The following PDHA1 variants were observed in gnomAD, a reference collection of about 807,000 sequenced individuals.
The protein encoded by PDHA1 is pyruvate dehydrogenase E1 component subunit alpha, somatic form, mitochondrial.
Under a neutral mutation model 33.0 loss-of-function variants are expected in PDHA1, and 1 was observed. That is an observed-to-expected ratio of 0.03 (90% confidence interval 0.01 to 0.14). The LOEUF is 0.14. PDHA1 is among the 10% of genes least tolerant of loss of function. The probability of loss-of-function intolerance (pLI) is 1.00; values close to 1 mark genes in which losing one functional copy is unlikely to be tolerated. For missense variants in PDHA1, 168 were observed against 325.1 expected (o/e 0.52, Z 3.72); for synonymous variants, 123 against 119.2 (o/e 1.03, Z -0.21).
intron 1 of PDHA1, among the ~76,000 whole-genome samples, chrX:19,345,572 T>TTAAAAAAAA (rs2063125797): frequency 1.7e-4 from 5 of 30,263 alleles, no homozygotes; most frequent in African/African-American, 4.7e-4. Flanking sequence ...CTCCGTATTT[T>TTAAAAAAAA]AAAAAAAAAA....
rs779722514 is a variant in PDHA1 at position 19,360,064 on chromosome X, G to GAT, written c.*413_*414dup. On this transcript the variant is annotated 3_prime_UTR_variant, in exon 11 of 11. Transcript: ENST00000422285. ...GTTCGCGCTGACCATTTCTCTACAA[G>GAT]ATACAATATTTATTATCAGGCAAGA... 5 of 189,347 alleles carry GAT rather than the reference G, an allele frequency of 2.6e-5. No homozygotes were observed. The highest frequency in any genetic ancestry group is 6.1e-5 in the African/African-American group (2 of 32,632). The allele number at this position is 189,347 out of a possible 1,213,427, so 15.6% of individuals were successfully genotyped here. A position where few individuals can be genotyped will look rare whatever the true frequency, so the allele number is the denominator to read the frequency against.
rs774543652 is a variant in PDHA1 at position 19,344,023 on chromosome X, C to T, written c.-15C>T. The T allele has an allele frequency of 1.7e-6, 2 of 1,207,268 alleles. No individual in the cohort carries two copies. Among genetic ancestry groups the T allele is most frequent in the South Asian group, 3.5e-5 (2 of 56,733 alleles). ...GGTTGTGAGGAGTCGCCGCTGCCGCCACTGCCTGTGCTTCATGAGGAAGAT... is the reference window on the plus strand; with the variant it reads ...GGTTGTGAGGAGTCGCCGCTGCCGCTACTGCCTGTGCTTCATGAGGAAGAT... On this transcript the variant is annotated 5_prime_UTR_variant, in exon 1 of 11. Transcript: ENST00000422285.
At chrX:19,359,207 G>T (rs1169840354) in intron 10 of PDHA1, among the ~76,000 whole-genome samples, 183 bp downstream of exon 10, 1 of 111,329 alleles carries the variant, frequency 9.0e-6, no homozygotes, top group African/African-American at 3.3e-5. Context: ...ATTCAAAATT[G>T]TATTACTCTT....
intron 4 of PDHA1, among the ~76,000 whole-genome samples, chrX:19,352,327 C>T (rs771678329): frequency 2.4e-4 from 26 of 108,818 alleles, no homozygotes; most frequent in African/African-American, 7.4e-4. Context: ...CTCCGCCCCC[C>T]GGGTTCAAGC....
At position 19,359,677 on chromosome X, in the gene PDHA1, C is replaced by A. The variant is rs1204191893; in HGVS notation, c.*24C>A. 8.6e-7 allele frequency: 1 copy of A among 1,168,792 alleles called. No individual in the cohort carries two copies. Among genetic ancestry groups the A allele is most frequent in the South Asian group, 1.8e-5 (1 of 55,987 alleles). ...AAGGGGAGGAGAAGGAGAGGTTATA[C>A]CTTCAGGGGGCTACCAGACAGTGTT... On this transcript the variant is annotated 3_prime_UTR_variant, in exon 11 of 11. Transcript: ENST00000422285.
rs1251981151 is a variant in PDHA1 at position 19,355,512 on chromosome X, C to G, written c.759+8C>G. The G allele has an allele frequency of 1.7e-6, 2 of 1,201,918 alleles. No homozygotes were observed. The highest frequency in any genetic ancestry group is 2.2e-6 in the Non-Finnish European group (2 of 894,415). On this transcript the variant is annotated splice_region_variant and intron_variant, in intron 7 of 10. Coordinates refer to ENST00000422285, the MANE Select transcript of PDHA1 (RefSeq NM_000284.4). Reference sequence around the variant, plus strand: ...TTCATTCCTGGGCTGAGAGTAAGGACACCTGTGGTGGGGCCGGGGCCAAGG... The same window carrying G: ...TTCATTCCTGGGCTGAGAGTAAGGAGACCTGTGGTGGGGCCGGGGCCAAGG...
Position 19,361,259 on chromosome X carries a change from G to T in PDHA1, c.*1606G>T. ...ACTCCAGAGTTTGGGGGGAGGCCCA[G>T]CCCTTTGTTTTCTGCTCTTGAAGCA... On this transcript the variant is annotated 3_prime_UTR_variant, in exon 11 of 11. Coordinates refer to ENST00000422285, the MANE Select transcript of PDHA1 (RefSeq NM_000284.4). 1.2e-6 allele frequency: 1 copy of T among 843,131 alleles called. No homozygotes were observed. Among genetic ancestry groups the T allele is most frequent in the African/African-American group, 2.0e-5 (1 of 49,833 alleles). 69.5% of individuals were successfully genotyped at this position (843,131 alleles called of 1,213,427 possible).
chrX:19,355,675 T>C lies in PDHA1; in HGVS notation c.760-11T>C. 3 of 1,200,366 alleles carry C rather than the reference T, an allele frequency of 2.5e-6. No individual in the cohort carries two copies. The highest frequency in any genetic ancestry group is 3.4e-6 in the Non-Finnish European group (3 of 885,434). On this transcript the variant is annotated splice_polypyrimidine_tract_variant and intron_variant, in intron 7 of 10. Transcript: ENST00000422285. ...GGATTCATGCTTCGCCCCTCCCCTGTTTATTACCAGGTGGATGGAATGGAT... is the reference window on the plus strand; with the variant it reads ...GGATTCATGCTTCGCCCCTCCCCTGCTTATTACCAGGTGGATGGAATGGAT...
chrX:19,354,864 A>G (rs1443928850), intron 6 of PDHA1, among the ~76,000 whole-genome samples: 1 of 112,637 alleles, frequency 8.9e-6, no homozygotes, highest in Non-Finnish European at 1.9e-5. Flanking sequence ...AACCTATTGC[A>G]AAACAATACA....
In PDHA1 at chrX:19,361,621, T is replaced by C. The variant is rs2063289519; in HGVS notation, c.*1968T>C. 16 of 1,033,585 alleles carry C rather than the reference T, an allele frequency of 1.5e-5. No homozygotes were observed. Among genetic ancestry groups the C allele is most frequent in the Non-Finnish European group, 2.2e-5 (16 of 741,790 alleles). The allele number at this position is 1,033,585 out of a possible 1,213,427, so 85.2% of individuals were successfully genotyped here. A position where few individuals can be genotyped will look rare whatever the true frequency, so the allele number is the denominator to read the frequency against. ...GTAACGATTGGCAATTTGTTATATA[T>C]TAGTCTAACCATAAAACTCTTCAAA... On this transcript the variant is annotated 3_prime_UTR_variant, in exon 11 of 11. Coordinates refer to ENST00000422285, the MANE Select transcript of PDHA1 (RefSeq NM_000284.4).
At chrX:19,359,272 C>T (rs1418543007) in intron 10 of PDHA1, among the ~76,000 whole-genome samples, 1 of 111,775 alleles carries the variant, frequency 8.9e-6, no homozygotes, top group Non-Finnish European at 1.9e-5. Flanking sequence ...AAAGCCCCCA[C>T]AGTAGTATGG....
intron 1 of PDHA1, chrX:19,346,510 A>G: frequency 2.1e-6 from 1 of 481,824 alleles, no homozygotes; most frequent in Non-Finnish European, 3.5e-6. Context: ...TTTTTACTAG[A>G]GACATGGTCT....
chrX:19,356,611 G>C (rs1368142726), intron 8 of PDHA1, among the ~76,000 whole-genome samples: 1 of 111,903 alleles, frequency 8.9e-6, no homozygotes. Flanking sequence ...GATGGGTATT[G>C]ACGCCACCTC....
rs919616845 is a variant in PDHA1 at position 19,360,514 on chromosome X, T to G, written c.*861T>G. 9.9e-6 allele frequency: 3 copies of G among 304,491 alleles called. No homozygotes were observed. Among genetic ancestry groups the G allele is most frequent in the Non-Finnish European group, 1.7e-5 (3 of 174,014 alleles). The allele number at this position is 304,491 out of a possible 1,213,427, so 25.1% of individuals were successfully genotyped here. ...GGACTACAAGTGAATTTCCTAATAT[T>G]CCGGGAGGTCAAAACCAAGGCTCAC... is the stretch of plus-strand genomic sequence containing the variant. On this transcript the variant is annotated 3_prime_UTR_variant, in exon 11 of 11. Transcript: ENST00000422285.
intron 9 of PDHA1, 124 bp from the exon 10 acceptor site, chrX:19,358,792 C>T (rs2063227742): frequency 1.2e-5 from 6 of 520,015 alleles, no homozygotes; most frequent in South Asian, 7.6e-5. Context: ...CCCTTTGTTT[C>T]AGAAACACAC....
rs376593530 is a variant in PDHA1 at position 19,361,301 on chromosome X, G to A, written c.*1648G>A. On this transcript the variant is annotated 3_prime_UTR_variant, in exon 11 of 11. Coordinates refer to ENST00000422285, the MANE Select transcript of PDHA1 (RefSeq NM_000284.4). The stretch of plus-strand genomic sequence containing the variant: ...CTTGAAGCATATTCACACATAAAAA[G>A]TTGTATTCTCTTATACAAACTGTTT... 1.1e-5 allele frequency: 12 copies of A among 1,081,909 alleles called. No homozygotes were observed. In the African/African-American group the frequency reaches 1.8e-4, roughly 17 times the overall value. The allele number at this position is 1,081,909 out of a possible 1,213,427, so 89.2% of individuals were successfully genotyped here. A position where few individuals can be genotyped will look rare whatever the true frequency, so the allele number is the denominator to read the frequency against.
intron 3 of PDHA1, 135 bp from the exon 4 acceptor site, chrX:19,351,146 G>A: frequency 1.6e-6 from 1 of 628,709 alleles, no homozygotes; most frequent in Non-Finnish European, 2.6e-6. Flanking sequence ...TCTGTATTTT[G>A]GTGGAAAATA....
chrX:19,361,164 T>C lies in PDHA1; in HGVS notation c.*1511T>C, dbSNP rs2063281265. Reference sequence around the variant, plus strand: ...GGCCAGCTCTTCTCTGTCACATTCCTATTTCTGACTTCTGCCTGGCTTTCA... The same window carrying C: ...GGCCAGCTCTTCTCTGTCACATTCCCATTTCTGACTTCTGCCTGGCTTTCA... On this transcript the variant is annotated 3_prime_UTR_variant, in exon 11 of 11. Coordinates refer to ENST00000422285, the MANE Select transcript of PDHA1 (RefSeq NM_000284.4). The C allele has an allele frequency of 2.3e-6, 1 of 441,039 alleles. No individual in the cohort carries two copies. Among genetic ancestry groups the C allele is most frequent in the African/African-American group, 2.4e-5 (1 of 41,169 alleles). 36.3% of individuals were successfully genotyped at this position (441,039 alleles called of 1,213,427 possible). A position where few individuals can be genotyped will look rare whatever the true frequency, so the allele number is the denominator to read the frequency against.
intron 7 of PDHA1, 76 bp from the exon 8 acceptor site, chrX:19,355,610 A>G (rs2063191473): frequency 1.8e-6 from 2 of 1,128,777 alleles, no homozygotes; most frequent in Non-Finnish European, 2.4e-6. Context: ...ATTCTCATAC[A>G]GGAGCAGGTC....
Sources: gnomAD v4.1 joint callset for allele counts (sites outside exome capture counted in the v4.1 genomes callset) on GRCh38, gnomAD v4.1.1 for gene constraint, MANE v1.5 for transcripts, NCBI Gene and HGNC (gene_info 2026-07-23, HGNC 2026-07-21) for gene names.